The following LOC128125818 variants were observed in gnomAD, a reference collection of about 807,000 sequenced individuals.
chr4:6,070,085 G>T, the LOC128125818 span: 1 of 398,850 alleles, frequency 2.5e-6, no homozygotes. Context: ...TCTCCTGGCA[G>T]CCAGAGAAGT....
the LOC128125818 span, among the ~76,000 whole-genome samples, chr4:6,069,389 A>G: frequency 1.3e-5 from 2 of 152,334 alleles, no homozygotes; most frequent in South Asian, 2.1e-4. This position sits in a 1 kb window ranked among gnomAD's most constrained non-coding sequence, Gnocchi z 4.5. Flanking sequence ...CTAGCCTTCC[A>G]TGTTCCTTGC....
At chr4:6,068,810 T>A in the LOC128125818 span, among the ~76,000 whole-genome samples, 1 of 152,300 alleles carries the variant, frequency 6.6e-6, no homozygotes. Context: ...CCTCAAGTGA[T>A]CCGTCTACCT....
the LOC128125818 span, among the ~76,000 whole-genome samples, chr4:6,066,543 G>T: frequency 1.3e-5 from 2 of 152,138 alleles, no homozygotes; most frequent in African/African-American, 2.4e-5. Context: ...ATCCTAGCGG[G>T]CAGTGACTTA....
At chr4:6,064,977 T>C in the LOC128125818 span, 1 of 1,614,008 alleles carries the variant, frequency 6.2e-7, no homozygotes, top group Non-Finnish European at 8.5e-7. The surrounding 1 kb of genome is among the most constrained non-coding windows in gnomAD (Gnocchi z 4.3). Context: ...AGACTCCTCA[T>C]CAAATCCAAA....
the LOC128125818 span, chr4:6,064,977 T>A: frequency 6.2e-7 from 1 of 1,614,126 alleles, no homozygotes; most frequent in Non-Finnish European, 8.5e-7. The surrounding 1 kb of genome is among the most constrained non-coding windows in gnomAD (Gnocchi z 4.3). Flanking sequence ...AGACTCCTCA[T>A]CAAATCCAAA....
At chr4:6,069,709 T>A in the LOC128125818 span, among the ~76,000 whole-genome samples, 1 of 150,300 alleles carries the variant, frequency 6.7e-6, no homozygotes, top group African/African-American at 2.5e-5. This position sits in a 1 kb window ranked among gnomAD's most constrained non-coding sequence, Gnocchi z 4.5. Flanking sequence ...GCTGTGATTG[T>A]GCCTCTGCAC....
the LOC128125818 span, among the ~76,000 whole-genome samples, chr4:6,066,734 C>T: frequency 1.3e-5 from 2 of 152,140 alleles, no homozygotes; most frequent in Admixed American, 6.5e-5. Flanking sequence ...CTCTCCCCCT[C>T]TCTCCATTGG....
chr4:6,067,158 G>A, the LOC128125818 span, among the ~76,000 whole-genome samples: 15 of 152,274 alleles, frequency 9.9e-5, no homozygotes, highest in East Asian at 2.7e-3. The surrounding 1 kb of genome is among the most constrained non-coding windows in gnomAD (Gnocchi z 4.6). Context: ...TTTACTGATG[G>A]TCTTCCCCCT....
At chr4:6,065,858 G>A in the LOC128125818 span, among the ~76,000 whole-genome samples, 1 of 152,166 alleles carries the variant, frequency 6.6e-6, no homozygotes, top group Non-Finnish European at 1.5e-5. This position sits in a 1 kb window ranked among gnomAD's most constrained non-coding sequence, Gnocchi z 5.1. Context: ...CCAGACACGG[G>A]GCAGGCCTGG....
the LOC128125818 span, among the ~76,000 whole-genome samples, chr4:6,069,262 T>G: frequency 0.012 from 1,767 of 152,292 alleles, 45 homozygotes; most frequent in African/African-American, 0.04. The surrounding 1 kb of genome is among the most constrained non-coding windows in gnomAD (Gnocchi z 4.5). Flanking sequence ...TTCATTTTTT[T>G]GTGTCTCCAC....
chr4:6,069,385 T>G, the LOC128125818 span, among the ~76,000 whole-genome samples: 2 of 152,246 alleles, frequency 1.3e-5, no homozygotes, highest in Admixed American at 6.5e-5. This position sits in a 1 kb window ranked among gnomAD's most constrained non-coding sequence, Gnocchi z 4.5. Context: ...TCCTCTAGCC[T>G]TCCATGTTCC....
the LOC128125818 span, among the ~76,000 whole-genome samples, chr4:6,066,732 C>G: frequency 4.9e-4 from 75 of 152,258 alleles, 1 homozygote; most frequent in African/African-American, 1.7e-3. Flanking sequence ...CTCTCTCCCC[C>G]TCTCTCCATT....
the LOC128125818 span, among the ~76,000 whole-genome samples, chr4:6,066,161 C>A: frequency 2.0e-5 from 3 of 152,176 alleles, no homozygotes; most frequent in African/African-American, 4.8e-5. Flanking sequence ...CCCCAACCCA[C>A]AGAGAAAACC....
chr4:6,069,279 A>G, the LOC128125818 span, among the ~76,000 whole-genome samples: 24 of 152,350 alleles, frequency 1.6e-4, 1 homozygote, highest in South Asian at 4.8e-3. This position sits in a 1 kb window ranked among gnomAD's most constrained non-coding sequence, Gnocchi z 4.5. Flanking sequence ...CCACTCTTCT[A>G]AGAGTCTCTA....
chr4:6,068,225 T>C, the LOC128125818 span, among the ~76,000 whole-genome samples: 2 of 152,198 alleles, frequency 1.3e-5, no homozygotes, highest in East Asian at 1.9e-4. Flanking sequence ...CAAGCCCTAA[T>C]ACAGGGCATT....
At chr4:6,066,503 C>T in the LOC128125818 span, among the ~76,000 whole-genome samples, 3 of 152,122 alleles carry the variant, frequency 2.0e-5, no homozygotes, top group Admixed American at 6.5e-5. Context: ...CAGACTCATA[C>T]GTCAGCTGCG....
the LOC128125818 span, among the ~76,000 whole-genome samples, chr4:6,065,580 C>T: frequency 6.6e-6 from 1 of 152,194 alleles, no homozygotes; most frequent in Non-Finnish European, 1.5e-5. This position sits in a 1 kb window ranked among gnomAD's most constrained non-coding sequence, Gnocchi z 5.1. Context: ...TGGCCCAAGT[C>T]CTGGCCAGAC....
the LOC128125818 span, among the ~76,000 whole-genome samples, chr4:6,068,742 T>A: frequency 6.6e-6 from 1 of 151,910 alleles, no homozygotes; most frequent in African/African-American, 2.4e-5. Flanking sequence ...ACATATATAT[T>A]TTTCTTAAGT....
chr4:6,070,074 A>ATC, the LOC128125818 span: 1 of 398,836 alleles, frequency 2.5e-6, no homozygotes, highest in Non-Finnish European at 4.4e-6. Context: ...CTTATAGGTC[A>ATC]TCTCCTGGCA....
Sources: allele counts gnomAD v4.1 joint callset (sites outside exome capture counted in the v4.1 genomes callset), GRCh38; gene constraint gnomAD v4.1.1; non-coding constraint Gnocchi (gnomAD v3.1); transcripts MANE v1.5.